Variants in PCSK2 observed in about 807,000 individuals in gnomAD.
PCSK2 encodes the protein neuroendocrine convertase 2.
Under a neutral mutation model 69.7 loss-of-function variants are expected in PCSK2, and 14 were observed. The observed-to-expected ratio is 0.20, with a 90% confidence interval of 0.13 to 0.31. The LOEUF (loss-of-function observed/expected upper bound fraction) is 0.31. PCSK2 is among the 10% of genes least tolerant of loss of function. The pLI is 1.00. For synonymous variants in PCSK2, 307 were observed against 320.7 expected (o/e 0.96, Z 0.46); for missense variants, 544 against 842.5 (o/e 0.65, Z 4.39).
intron 11 of PCSK2, chr20:17,478,965 G>A (rs2033341181): frequency 6.3e-6 from 4 of 633,690 alleles, no homozygotes; most frequent in Middle Eastern, 4.4e-4. Flanking sequence ...TTCAGTTTTT[G>A]TTGATAGCTT....
intron 2 of PCSK2, among the ~76,000 whole-genome samples, chr20:17,303,461 A>T: frequency 1.7e-5 from 1 of 60,064 alleles, no homozygotes; most frequent in African/African-American, 7.1e-5. Context: ...TATATTAAAT[A>T]TAATATATAT....
intron 2 of PCSK2, among the ~76,000 whole-genome samples, chr20:17,262,125 T>C (rs574052354): frequency 2.5e-4 from 38 of 152,344 alleles, no homozygotes; most frequent in Non-Finnish European, 4.7e-4. Flanking sequence ...AAATATAAAA[T>C]GGGACTAATT....
At chr20:17,324,291 C>T (rs1349953019) in intron 2 of PCSK2, among the ~76,000 whole-genome samples, 1 of 152,136 alleles carries the variant, frequency 6.6e-6, no homozygotes, top group East Asian at 1.9e-4. Flanking sequence ...CAGTCACCTC[C>T]CATCTCCAAC....
chr20:17,478,203 T>A (rs2033325052), intron 11 of PCSK2, among the ~76,000 whole-genome samples: 1 of 152,216 alleles, frequency 6.6e-6, no homozygotes, highest in Admixed American at 6.5e-5. Context: ...CAGACTCACT[T>A]TTTTCCTCCC....
At chr20:17,480,212 CAG>C (rs368141714) in intron 11 of PCSK2, among the ~76,000 whole-genome samples, 18,785 of 88,144 alleles carry the variant, frequency 0.21, 1,772 homozygotes, top group Middle Eastern at 0.34. Context: ...TTTTTTGAGG[CAG>C]AGTCTCGCTC....
At chr20:17,470,728 A>T (rs540154639) in intron 11 of PCSK2, among the ~76,000 whole-genome samples, 1 of 152,306 alleles carries the variant, frequency 6.6e-6, no homozygotes, top group African/African-American at 2.4e-5. Flanking sequence ...AAATAAAGCA[A>T]ACGGCCTTAA....
chr20:17,442,289 C>A (rs761667874), intron 8 of PCSK2, among the ~76,000 whole-genome samples: 1 of 151,706 alleles, frequency 6.6e-6, no homozygotes, highest in African/African-American at 2.4e-5. Flanking sequence ...GCAGGGTTGG[C>A]TGACACTTCC....
intron 5 of PCSK2, among the ~76,000 whole-genome samples, chr20:17,407,283 C>A (rs1435960059): frequency 1.3e-5 from 2 of 152,128 alleles, no homozygotes; most frequent in East Asian, 3.9e-4. Flanking sequence ...GAAGAGGCAG[C>A]CTCAGGGGCC....
intron 1 of PCSK2, among the ~76,000 whole-genome samples, chr20:17,232,209 C>A (rs568496234): frequency 6.6e-6 from 1 of 152,330 alleles, no homozygotes; most frequent in South Asian, 2.1e-4. Context: ...GAGCAGAAAT[C>A]TTGGGGGCCA....
intron 4 of PCSK2, 29 bp from the exon 5 acceptor site, chr20:17,369,211 G>T (rs373631538): frequency 2.5e-6 from 4 of 1,608,182 alleles, no homozygotes; most frequent in Non-Finnish European, 3.4e-6. Flanking sequence ...TTAACCTTTG[G>T]TTCCTGTGTT....
chr20:17,273,721 G>T (rs201217276), intron 2 of PCSK2, among the ~76,000 whole-genome samples: 1 of 152,122 alleles, frequency 6.6e-6, no homozygotes, highest in African/African-American at 2.4e-5. Context: ...ACTAGATTAC[G>T]CTGCAGTAAC....
intron 2 of PCSK2, among the ~76,000 whole-genome samples, chr20:17,351,755 C>A (rs2029995634): frequency 6.6e-6 from 1 of 152,052 alleles, no homozygotes; most frequent in Non-Finnish European, 1.5e-5. Flanking sequence ...ACTGAATGGG[C>A]AAAACTGGAA....
intron 4 of PCSK2, among the ~76,000 whole-genome samples, chr20:17,363,744 A>G (rs1446435156): frequency 6.6e-6 from 1 of 152,234 alleles, no homozygotes; most frequent in East Asian, 1.9e-4. Context: ...GTAAGAATAA[A>G]CAACTAACAG....
chr20:17,244,666 C>A (rs1214039778), intron 1 of PCSK2, among the ~76,000 whole-genome samples: 3 of 152,138 alleles, frequency 2.0e-5, no homozygotes, highest in African/African-American at 7.2e-5. Context: ...TGTCTCCTTC[C>A]TACCCAAACA....
intron 1 of PCSK2, among the ~76,000 whole-genome samples, chr20:17,243,722 A>G (rs1986670024): frequency 6.6e-6 from 1 of 152,184 alleles, no homozygotes; most frequent in South Asian, 2.1e-4. Flanking sequence ...CGCATCAAGA[A>G]GCACACACCA....
At chr20:17,295,767 G>T (rs1988872313) in intron 2 of PCSK2, among the ~76,000 whole-genome samples, 1 of 151,926 alleles carries the variant, frequency 6.6e-6, no homozygotes, top group Non-Finnish European at 1.5e-5. Flanking sequence ...TGTTGCCCAG[G>T]CTGTTCTGGA....
At chr20:17,481,388 CAA>C (rs3076146) in intron 11 of PCSK2, among the ~76,000 whole-genome samples, 194 bp from the exon 12 acceptor site, 48 of 65,694 alleles carry the variant, frequency 7.3e-4, no homozygotes, top group African/African-American at 3.2e-3. Context: ...TCTCAAAAGA[CAA>C]AAAAAAAAAA....
chr20:17,448,193 G>A (rs975158019), intron 8 of PCSK2, among the ~76,000 whole-genome samples: 1 of 152,122 alleles, frequency 6.6e-6, no homozygotes, highest in Non-Finnish European at 1.5e-5. Context: ...CCTCACCAGG[G>A]GTCTGCACCC....
intron 5 of PCSK2, among the ~76,000 whole-genome samples, chr20:17,389,369 T>C (rs1018213345): frequency 1.3e-5 from 2 of 152,160 alleles, no homozygotes; most frequent in African/African-American, 4.8e-5. Context: ...TATGCCCTTA[T>C]GTGACATAGG....
Sources: allele counts gnomAD v4.1 joint callset (sites outside exome capture counted in the v4.1 genomes callset), GRCh38; gene constraint gnomAD v4.1.1; transcripts MANE v1.5; gene names NCBI Gene and HGNC (gene_info 2026-07-23, HGNC 2026-07-21).